PDK1: variants seen among roughly 807,000 people sequenced by gnomAD.
PDK1 encodes pyruvate dehydrogenase kinase 1, also known as [Pyruvate dehydrogenase (acetyl-transferring)] kinase isozyme 1, mitochondrial.
In PDK1, 39 loss-of-function variants were observed where a neutral mutation model predicts 54.2. The observed-to-expected ratio is 0.72, with a 90% confidence interval of 0.56 to 0.94. PDK1 has a LOEUF of 0.94. Ranked by LOEUF, PDK1 falls within the 40% of genes least tolerant of loss-of-function variation. The probability of loss-of-function intolerance (pLI) is 0.00; values close to 1 mark genes in which losing one functional copy is unlikely to be tolerated. For synonymous variants in PDK1, 221 were observed against 207.1 expected (o/e 1.07, Z -0.58); for missense variants, 552 against 566.0 (o/e 0.98, Z 0.25).
At chr2:172,709,836 T>G in the PDK1 span, among the ~76,000 whole-genome samples, 1 of 152,226 alleles carries the variant, frequency 6.6e-6, no homozygotes, top group Non-Finnish European at 1.5e-5. Flanking sequence ...TGTTATTCAA[T>G]TCAGTGATGG....
chr2:172,640,924 T>C, the PDK1 span, among the ~76,000 whole-genome samples: 12 of 142,692 alleles, frequency 8.4e-5, no homozygotes, highest in South Asian at 2.6e-3. Context: ...TTCCCTCCCT[T>C]CCTTCCTTCC....
chr2:172,698,286 T>C, the PDK1 span, among the ~76,000 whole-genome samples: 1 of 152,152 alleles, frequency 6.6e-6, no homozygotes, highest in Non-Finnish European at 1.5e-5. Flanking sequence ...TTCCTTTCTC[T>C]CCACCAAGAA....
chr2:172,694,946 A>C, the PDK1 span, among the ~76,000 whole-genome samples: 1 of 151,984 alleles, frequency 6.6e-6, no homozygotes, highest in South Asian at 2.1e-4. Context: ...GTGAAACCCC[A>C]TCCCTACTAA....
chr2:172,705,524 C>T, the PDK1 span, among the ~76,000 whole-genome samples: 43 of 152,330 alleles, frequency 2.8e-4, no homozygotes, highest in Non-Finnish European at 4.9e-4. Flanking sequence ...TTACCATAAT[C>T]CAGGCTTTCT....
the PDK1 span, among the ~76,000 whole-genome samples, chr2:172,646,193 C>A: frequency 6.6e-6 from 1 of 152,156 alleles, no homozygotes. Flanking sequence ...TTATATATGT[C>A]TGTTGAAGAG....
At chr2:172,613,149 T>C (rs1558970204), downstream of PDK1, among the ~76,000 whole-genome samples, 1 of 152,116 alleles carries the variant, frequency 6.6e-6, no homozygotes, top group Non-Finnish European at 1.5e-5. Context: ...GAGTCTTGAC[T>C]AACAGGAGGA....
At chr2:172,641,698 C>G in the PDK1 span, among the ~76,000 whole-genome samples, 2 of 152,108 alleles carry the variant, frequency 1.3e-5, no homozygotes, top group Non-Finnish European at 2.9e-5. Context: ...CCTGCCTCGG[C>G]CTTCTAAAGT....
chr2:172,592,879 A>G, intron 9 of PDK1, 56 bp from the exon 10 acceptor site: 2 of 935,430 alleles, frequency 2.1e-6, no homozygotes, highest in Non-Finnish European at 3.5e-6. Flanking sequence ...TCTTAATTAG[A>G]AAAGTATTTC....
At chr2:172,581,853 CTG>C (rs1380366444) in intron 8 of PDK1, among the ~76,000 whole-genome samples, 1 of 152,222 alleles carries the variant, frequency 6.6e-6, no homozygotes, top group African/African-American at 2.4e-5. Flanking sequence ...TCTTTCAATT[CTG>C]TGTTTAGTAT....
At position 172,605,502 on chromosome 2, in the gene PDK1, G is replaced by A. The variant is rs1318362822; in HGVS notation, c.*9533G>A. The A allele has an allele frequency of 2.6e-5, 4 of 151,208 alleles. No individual in the cohort carries two copies. The highest frequency in any genetic ancestry group is 5.9e-5 in the Non-Finnish European group (4 of 68,314). 9.4% of individuals were successfully genotyped at this position (151,208 alleles called of 1,614,324 possible). A position where few individuals can be genotyped will look rare whatever the true frequency, so the allele number is the denominator to read the frequency against. On this transcript the variant is annotated 3_prime_UTR_variant, in exon 11 of 11. Coordinates refer to ENST00000282077, the MANE Select transcript of PDK1 (RefSeq NM_002610.5). ...GTGATTCTCCTGCCTCAGCCTCCAA[G>A]TAGCTGGGACTACAGGTGCCTGCCA... is the stretch of plus-strand genomic sequence containing the variant.
chr2:172,648,506 A>G, the PDK1 span, among the ~76,000 whole-genome samples: 1 of 152,282 alleles, frequency 6.6e-6, no homozygotes, highest in East Asian at 1.9e-4. Flanking sequence ...TGTCAGACAG[A>G]GGGTGCAGCC....
the PDK1 span, among the ~76,000 whole-genome samples, chr2:172,714,092 T>C: frequency 2.6e-5 from 4 of 152,240 alleles, no homozygotes; most frequent in Non-Finnish European, 5.9e-5. Context: ...TTTCACTTCA[T>C]TAGAGTAGTA....
the PDK1 span, among the ~76,000 whole-genome samples, chr2:172,622,588 A>G: frequency 6.8e-6 from 1 of 147,238 alleles, no homozygotes; most frequent in Non-Finnish European, 1.5e-5. Context: ...ATTATGTGAG[A>G]TGTTTATATC....
chr2:172,665,765 C>T, the PDK1 span, among the ~76,000 whole-genome samples: 2 of 152,272 alleles, frequency 1.3e-5, no homozygotes, highest in East Asian at 3.9e-4. Flanking sequence ...GACCAAGTAG[C>T]ACAGTTTGGT....
rs1377540056 is a variant in PDK1 at position 172,602,103 on chromosome 2, A to G, written c.*6134A>G. The G allele has an allele frequency of 6.6e-6, 1 of 152,218 alleles. No individual in the cohort carries two copies. The highest frequency in any genetic ancestry group is 1.5e-5 in the Non-Finnish European group (1 of 68,038). 9.4% of individuals were successfully genotyped at this position (152,218 alleles called of 1,614,324 possible). ...TCAAGAAACTGATAATTCCTGTCTTATAGAAACTTTGAAATGAGAGAAAGC... is the reference window on the plus strand; with the variant it reads ...TCAAGAAACTGATAATTCCTGTCTTGTAGAAACTTTGAAATGAGAGAAAGC... On this transcript the variant is annotated 3_prime_UTR_variant, in exon 11 of 11. Transcript: ENST00000282077.
the PDK1 span, among the ~76,000 whole-genome samples, chr2:172,664,039 C>T: frequency 1.5e-3 from 226 of 149,746 alleles, 1 homozygote; most frequent in African/African-American, 4.8e-3. Context: ...TTGCCAGGCG[C>T]GGTGGCTCAC....
At chr2:172,560,936 T>C (rs1408089999) in intron 2 of PDK1, among the ~76,000 whole-genome samples, 1 of 152,216 alleles carries the variant, frequency 6.6e-6, no homozygotes, top group African/African-American at 2.4e-5. Flanking sequence ...CAGTTATGAT[T>C]CATGGAGATT....
downstream of PDK1, among the ~76,000 whole-genome samples, chr2:172,609,568 T>A (rs11898890): frequency 0.18 from 27,046 of 152,112 alleles, 2,892 homozygotes; most frequent in African/African-American, 0.28. Context: ...CATAGAAGAA[T>A]TTATTAGAGT....
chr2:172,631,076 C>G, the PDK1 span, among the ~76,000 whole-genome samples: 1 of 152,198 alleles, frequency 6.6e-6, no homozygotes, highest in Non-Finnish European at 1.5e-5. Context: ...TATAGGTTGA[C>G]AAAGTTTCAG....
Sources: gnomAD v4.1 joint callset for allele counts (sites outside exome capture counted in the v4.1 genomes callset) on GRCh38, gnomAD v4.1.1 for gene constraint, MANE v1.5 for transcripts, NCBI Gene and HGNC (gene_info 2026-07-23, HGNC 2026-07-21) for gene names.